MARCHF6: variants seen among roughly 807,000 people sequenced by gnomAD.
MARCHF6 encodes the protein E3 ubiquitin-protein ligase MARCHF6.
Under a neutral mutation model 133.7 loss-of-function variants are expected in MARCHF6, and 31 were observed. The observed-to-expected ratio is 0.23, with a 90% CI of 0.17 to 0.31. MARCHF6 has a LOEUF of 0.31. Among genes scored for constraint, MARCHF6 ranks in the 10% least tolerant of loss-of-function variants. The pLI is 1.00. For synonymous variants in MARCHF6, 395 were observed against 402.5 expected, an observed-to-expected ratio of 0.98 and a Z score of 0.22; for missense variants, 723 against 1,121.6, an observed-to-expected ratio of 0.64 and a Z score of 5.08.
chr5:10,406,001 TCAAG>T (rs1561134918), intron 16 of MARCHF6, among the ~76,000 whole-genome samples: 2 of 151,958 alleles, frequency 1.3e-5, no homozygotes, highest in Non-Finnish European at 2.9e-5. Context: ...TGGGCAGCGG[TCAAG>T]CAAGCATTAC....
chr5:10,400,907 T>A, intron 11 of MARCHF6, 65 bp downstream of exon 11: 1 of 1,255,316 alleles, frequency 8.0e-7, no homozygotes, highest in East Asian at 2.3e-5. Context: ...ATTAATAAAA[T>A]AGTATTCTAA....
At chr5:10,359,390 C>G (rs1735671556) in intron 1 of MARCHF6, among the ~76,000 whole-genome samples, 1 of 151,918 alleles carries the variant, frequency 6.6e-6, no homozygotes, top group Non-Finnish European at 1.5e-5. Context: ...ATTTTTTTCT[C>G]TAGCTTTATT....
chr5:10,378,270 G>A (rs149561266), intron 2 of MARCHF6, among the ~76,000 whole-genome samples: 1 of 152,262 alleles, frequency 6.6e-6, no homozygotes, highest in East Asian at 1.9e-4. Context: ...GTTCTTAGTG[G>A]TTTGTACATC....
In MARCHF6 at chr5:10,391,644, G is replaced by T; in HGVS notation, c.679G>T (p.Asp227Tyr). The T allele has an allele frequency of 6.2e-7, 1 of 1,611,628 alleles. No individual in the cohort carries two copies. The highest frequency in any genetic ancestry group is 8.5e-7 in the Non-Finnish European group (1 of 1,179,080). The stretch of plus-strand genomic sequence containing the variant: ...GGGGGAAAACCCTGATGCCCAGGAT[G>T]ACCAGGCAGAAGAGGAGGAGGAGGA... ...VVGENPDAQD[D>Y]QAEEEEEDNE... The change falls in exon 7 of 26, where the codon GAC (aspartate) becomes TAC (tyrosine). Residue 227 changes from aspartate to tyrosine, a missense_variant. Asp to Tyr is a radical substitution (Grantham distance 160). Transcript: ENST00000274140.
intron 11 of MARCHF6, 74 bp downstream of exon 11, chr5:10,400,916 A>G (rs1407511933): frequency 1.7e-6 from 2 of 1,158,222 alleles, no homozygotes; most frequent in East Asian, 2.4e-5. Flanking sequence ...ATAGTATTCT[A>G]AAGAGTTACA....
At chr5:10,405,322 T>C (rs1040197485) in intron 15 of MARCHF6, among the ~76,000 whole-genome samples, 3 of 152,128 alleles carry the variant, frequency 2.0e-5, no homozygotes, top group African/African-American at 7.2e-5. Context: ...GAATGTTTTT[T>C]TTTTCCCCCG....
intron 22 of MARCHF6, 177 bp downstream of exon 22, chr5:10,417,581 A>G: frequency 1.4e-6 from 1 of 723,724 alleles, no homozygotes; most frequent in African/African-American, 1.8e-5. Context: ...CCTAGTCTCT[A>G]TAAAAAATTG....
chr5:10,432,026 G>T (rs1379647325), intron 25 of MARCHF6, among the ~76,000 whole-genome samples: 1 of 152,174 alleles, frequency 6.6e-6, no homozygotes, highest in Non-Finnish European at 1.5e-5. Context: ...CAAAAGAAAA[G>T]GAATAAAACA....
At chr5:10,358,012 G>A (rs954485091) in intron 1 of MARCHF6, among the ~76,000 whole-genome samples, 1 of 148,848 alleles carries the variant, frequency 6.7e-6, no homozygotes, top group Non-Finnish European at 1.5e-5. Flanking sequence ...CTGTCACCCA[G>A]GCTGGAGTGC....
At chr5:10,400,196 C>A (rs904470223) in intron 10 of MARCHF6, among the ~76,000 whole-genome samples, 2 of 152,118 alleles carry the variant, frequency 1.3e-5, no homozygotes, top group African/African-American at 4.8e-5. Context: ...ATATTTTAAA[C>A]AGTCATTTTT....
At chr5:10,381,235 A>G (rs543585173) in intron 3 of MARCHF6, among the ~76,000 whole-genome samples, 2 of 152,350 alleles carry the variant, frequency 1.3e-5, no homozygotes, top group Admixed American at 1.3e-4. Flanking sequence ...CACATTTCTC[A>G]GAGTAGTGGG....
chr5:10,416,935 G>T (rs1003245378), intron 21 of MARCHF6, among the ~76,000 whole-genome samples: 2 of 152,220 alleles, frequency 1.3e-5, no homozygotes, highest in African/African-American at 4.8e-5. Flanking sequence ...AGCCCTCCCT[G>T]TATACCAGTC....
intron 11 of MARCHF6, chr5:10,401,616 T>G (rs1233579032): frequency 5.7e-6 from 1 of 174,302 alleles, no homozygotes. Flanking sequence ...GGGACAGATT[T>G]GCAGAGCAAG....
At chr5:10,400,937 A>C in intron 11 of MARCHF6, 95 bp downstream of exon 11, 1 of 991,170 alleles carries the variant, frequency 1.0e-6, no homozygotes, top group Non-Finnish European at 1.6e-6. Flanking sequence ...TCATTTCTTC[A>C]TTGGCATTAT....
intron 10 of MARCHF6, 93 bp downstream of exon 10, chr5:10,397,437 C>A: frequency 1.0e-6 from 1 of 965,268 alleles, no homozygotes; most frequent in Non-Finnish European, 1.5e-6. Context: ...TATTTTTTAA[C>A]ATAGAAATAA....
chr5:10,391,464 T>TTTTTTTTG, intron 6 of MARCHF6, 78 bp from the exon 7 acceptor site: 1 of 431,754 alleles, frequency 2.3e-6, no homozygotes. Flanking sequence ...TTTTTTTTTT[T>TTTTTTTTG]AGCAGGAATA....
At chr5:10,392,708 C>A (rs954709421) in intron 7 of MARCHF6, among the ~76,000 whole-genome samples, 1 of 151,454 alleles carries the variant, frequency 6.6e-6, no homozygotes, top group Non-Finnish European at 1.5e-5. Flanking sequence ...GAGCTGAGAT[C>A]ATGCCACTGC....
chr5:10,405,712 A>AT (rs1738844766), intron 16 of MARCHF6, 35 bp downstream of exon 16: 1 of 1,554,016 alleles, frequency 6.4e-7, no homozygotes, highest in Non-Finnish European at 8.6e-7. Context: ...TTTTTTTTGA[A>AT]TTAATTGTGC....
chr5:10,396,450 C>G (rs1238700498), intron 9 of MARCHF6, among the ~76,000 whole-genome samples: 1 of 152,098 alleles, frequency 6.6e-6, no homozygotes, highest in Non-Finnish European at 1.5e-5. Context: ...AAAATTGAGC[C>G]CACATGGTGA....
Sources: allele counts gnomAD v4.1 joint callset (sites outside exome capture counted in the v4.1 genomes callset), GRCh38; gene constraint gnomAD v4.1.1; transcripts MANE v1.5; gene names NCBI Gene and HGNC (gene_info 2026-07-23, HGNC 2026-07-21).